Variants in CPNE3 observed in about 807,000 individuals in gnomAD.
CPNE3 encodes the protein copine-3.
In CPNE3, 68 loss-of-function variants were observed where a neutral mutation model predicts 63.9. That is an observed-to-expected ratio of 1.06 (90% CI 0.87 to 1.30). The LOEUF (loss-of-function observed/expected upper bound fraction) is 1.30, where lower values mean the gene tolerates loss of function less well. CPNE3 is among the 50% of genes most tolerant of loss of function. The probability of loss-of-function intolerance (pLI) is 0.00; values close to 1 mark genes in which losing one functional copy is unlikely to be tolerated. For missense variants in CPNE3, 665 were observed against 578.1 expected (o/e 1.15, Z -1.54); for synonymous variants, 219 against 197.5 (o/e 1.11, Z -0.91).
intron 16 of CPNE3, among the ~76,000 whole-genome samples, chr8:86,558,035 A>G (rs1228208142): frequency 6.6e-6 from 1 of 152,238 alleles, no homozygotes; most frequent in African/African-American, 2.4e-5. Flanking sequence ...AACAACAACA[A>G]AATCATCAAA....
intron 4 of CPNE3, among the ~76,000 whole-genome samples, chr8:86,529,745 A>G (rs898302494): frequency 3.3e-5 from 5 of 152,190 alleles, no homozygotes; most frequent in African/African-American, 1.2e-4. Context: ...CTCCTAGGTT[A>G]ATCTGATTCA....
intron 4 of CPNE3, among the ~76,000 whole-genome samples, chr8:86,530,309 A>G (rs1820645651): frequency 6.6e-6 from 1 of 151,970 alleles, no homozygotes; most frequent in Admixed American, 6.6e-5. Context: ...AGCTAGGACT[A>G]TAAGCACACG....
In CPNE3 at chr8:86,546,734, T is replaced by G. The variant is rs979252868; in HGVS notation, c.819+53T>G. ...ATTTATTTATTTATTCTTTTTGAGC[T>G]GGAGCCTCGCTCTGTTGCCCAGGCT... On this transcript the variant is annotated intron_variant, in intron 10 of 16. Transcript: ENST00000517490. 1.2e-5 allele frequency: 18 copies of G among 1,552,778 alleles called. No individual in the cohort carries two copies. The African/African-American group carries it at 2.2e-4, about 19-fold the overall frequency.
intron 14 of CPNE3, among the ~76,000 whole-genome samples, chr8:86,553,624 C>T (rs754047749): frequency 6.6e-5 from 10 of 152,076 alleles, no homozygotes; most frequent in South Asian, 2.1e-4. Flanking sequence ...AATCACCTAA[C>T]GATGCATTTC....
intron 9 of CPNE3, 102 bp from the exon 10 acceptor site, chr8:86,546,493 G>A (rs1435166144): frequency 4.5e-5 from 52 of 1,155,136 alleles, no homozygotes; most frequent in Non-Finnish European, 6.5e-5. Flanking sequence ...TACATCAGTA[G>A]GTAGTTTGAT....
intron 2 of CPNE3, among the ~76,000 whole-genome samples, chr8:86,523,182 A>G (rs1215454396): frequency 6.6e-6 from 1 of 152,302 alleles, no homozygotes; most frequent in South Asian, 2.1e-4. Context: ...CAGGGTTTTT[A>G]TTAAGTTTAT....
chr8:86,551,302 T>C, intron 14 of CPNE3, 68 bp downstream of exon 14: 1 of 1,123,758 alleles, frequency 8.9e-7, no homozygotes, highest in Non-Finnish European at 1.3e-6. Flanking sequence ...TTTTGTTCTT[T>C]GTTCTTTGTT....
chr8:86,553,289 G>A (rs932140271), intron 14 of CPNE3, among the ~76,000 whole-genome samples: 1 of 151,988 alleles, frequency 6.6e-6, no homozygotes, highest in African/African-American at 2.4e-5. Flanking sequence ...AAGACTACCT[G>A]TTCCTAAATT....
chr8:86,539,278 AGAGT>A (rs1200955230), intron 7 of CPNE3, among the ~76,000 whole-genome samples: 2 of 152,160 alleles, frequency 1.3e-5, no homozygotes, highest in Admixed American at 1.3e-4. Context: ...CTCTTAAGTT[AGAGT>A]ATGTTCTCAG....
chr8:86,532,908 T>C (rs2131451360), intron 6 of CPNE3, among the ~76,000 whole-genome samples: 1 of 152,278 alleles, frequency 6.6e-6, no homozygotes, highest in African/African-American at 2.4e-5. Context: ...TAATTATAGG[T>C]CAATTATCCT....
At chr8:86,531,366 C>T (rs1314149804) in intron 5 of CPNE3, 137 bp downstream of exon 5, 7 of 648,638 alleles carry the variant, frequency 1.1e-5, no homozygotes, top group Non-Finnish European at 2.0e-5. Context: ...CCACCCATGT[C>T]TTGTAGTTAT....
chr8:86,516,724 C>T (rs1820321067), intron 2 of CPNE3, among the ~76,000 whole-genome samples: 1 of 152,082 alleles, frequency 6.6e-6, no homozygotes, highest in Non-Finnish European at 1.5e-5. Context: ...CCATTGTTTC[C>T]TTTGCCTTCT....
chr8:86,528,503 T>A (rs1165583394), intron 2 of CPNE3, 33 bp from the exon 3 acceptor site: 2 of 1,609,816 alleles, frequency 1.2e-6, no homozygotes, highest in Non-Finnish European at 1.7e-6. Context: ...AGGCACTGTT[T>A]TACTTGCTTT....
In CPNE3 at chr8:86,556,282, G is replaced by A; in HGVS notation, c.1435G>A (p.Gly479Ser). Reference sequence around the variant, plus strand: ...TGGTGGAAGTCTCCGCTCCCCATTGGGCGAAGTGGCCATCAGAGATATTGT... The same window carrying A: ...TGGTGGAAGTCTCCGCTCCCCATTGAGCGAAGTGGCCATCAGAGATATTGT... ...GDGGSLRSPL[G>S]EVAIRDIVQF... The change falls in exon 16 of 17, where the codon GGC (glycine) becomes AGC (serine). Residue 479 changes from glycine to serine, a missense_variant. Coordinates refer to ENST00000517490, the MANE Select transcript of CPNE3 (RefSeq NM_003909.5). The A allele has an allele frequency of 1.1e-6, 1 of 873,022 alleles. No individual in the cohort carries two copies. The highest frequency in any genetic ancestry group is 2.0e-6 in the Non-Finnish European group (1 of 501,698). The allele number at this position is 873,022 out of a possible 1,614,324, so 54.1% of individuals were successfully genotyped here.
chr8:86,526,202 T>C (rs757279653), intron 2 of CPNE3, among the ~76,000 whole-genome samples: 25 of 151,448 alleles, frequency 1.7e-4, no homozygotes, highest in Non-Finnish European at 2.6e-4. Context: ...CAGTACAGCC[T>C]GGACGACAGA....
At chr8:86,555,700 G>T (rs1317969944) in intron 15 of CPNE3, among the ~76,000 whole-genome samples, 1 of 147,100 alleles carries the variant, frequency 6.8e-6, no homozygotes, top group Admixed American at 6.7e-5. Flanking sequence ...TAAAATTTTT[G>T]TATTCTAATA....
At chr8:86,552,136 A>G (rs1821194374) in intron 14 of CPNE3, among the ~76,000 whole-genome samples, 1 of 152,248 alleles carries the variant, frequency 6.6e-6, no homozygotes, top group African/African-American at 2.4e-5. Context: ...AAAATTCTAG[A>G]CAATACTCTA....
Position 86,547,771 on chromosome 8 carries a change from G to A in CPNE3, c.879+1G>A. 2 of 1,275,930 alleles carry A rather than the reference G, an allele frequency of 1.6e-6. 1 individual carries two copies. Among genetic ancestry groups the A allele is most frequent in the South Asian group, 2.4e-5 (2 of 82,850 alleles). The allele number at this position is 1,275,930 out of a possible 1,614,324, so 79.0% of individuals were successfully genotyped here. Reference sequence around the variant, plus strand: ...GGGAGGATGTCAGCTGAATTTTACTGTAAGTAACACACTGAATTTTTCAGC... The same window carrying A: ...GGGAGGATGTCAGCTGAATTTTACTATAAGTAACACACTGAATTTTTCAGC... On this transcript the variant is annotated splice_donor_variant, in intron 11 of 16. Transcript: ENST00000517490. LOFTEE classifies it high-confidence loss of function.
intron 10 of CPNE3, 112 bp downstream of exon 10, chr8:86,546,793 C>T: frequency 9.0e-7 from 1 of 1,115,038 alleles, no homozygotes. Flanking sequence ...CTCACTGCAA[C>T]CTCTGCCTCC....
Sources: gnomAD v4.1 joint callset for allele counts (sites outside exome capture counted in the v4.1 genomes callset) on GRCh38, gnomAD v4.1.1 for gene constraint, MANE v1.5 for transcripts, NCBI Gene and HGNC (gene_info 2026-07-23, HGNC 2026-07-21) for gene names.